NDST3: variants seen among roughly 807,000 people sequenced by gnomAD.
NDST3 encodes the protein bifunctional heparan sulfate N-deacetylase/N-sulfotransferase 3.
In NDST3, 58 loss-of-function variants were observed where a neutral mutation model predicts 96.1. That is an observed-to-expected ratio of 0.60 (90% confidence interval 0.49 to 0.75). The LOEUF (loss-of-function observed/expected upper bound fraction) is 0.75. Ranked by LOEUF, NDST3 falls within the 30% of genes least tolerant of loss-of-function variation. The pLI, the probability that NDST3 is intolerant of heterozygous loss-of-function variation, is 0.00. For synonymous variants in NDST3, 333 were observed against 359.7 expected (o/e 0.93, Z 0.84); for missense variants, 788 against 1,034.2 (o/e 0.76, Z 3.27).
chr4:118,075,576 T>G (rs1275230803), intron 2 of NDST3, among the ~76,000 whole-genome samples: 1 of 152,230 alleles, frequency 6.6e-6, no homozygotes, highest in Admixed American at 6.5e-5. Flanking sequence ...CCTGACTTTT[T>G]AATGATTGCC....
chr4:118,061,344 T>C (rs1361315160), intron 2 of NDST3, among the ~76,000 whole-genome samples: 1 of 152,174 alleles, frequency 6.6e-6, no homozygotes, highest in African/African-American at 2.4e-5. Flanking sequence ...TTGCAACCTC[T>C]AAATCTCCCA....
chr4:118,156,575 A>C (rs761614231), intron 6 of NDST3, among the ~76,000 whole-genome samples: 1 of 152,208 alleles, frequency 6.6e-6, no homozygotes, highest in African/African-American at 2.4e-5. Context: ...TTTGAAAGAA[A>C]TTTGGTTGCC....
intron 9 of NDST3, among the ~76,000 whole-genome samples, chr4:118,234,328 A>T (rs2126001360): frequency 6.6e-6 from 1 of 152,168 alleles, no homozygotes; most frequent in African/African-American, 2.4e-5. Flanking sequence ...TGGGAGGATA[A>T]CCTGAGCCCA....
intron 6 of NDST3, among the ~76,000 whole-genome samples, chr4:118,206,108 T>C (rs1215058910): frequency 1.4e-5 from 2 of 143,534 alleles, no homozygotes; most frequent in African/African-American, 5.1e-5. Flanking sequence ...GGGCTTTCAA[T>C]AGATATGTGT....
At chr4:118,187,708 C>A (rs1737056271) in intron 6 of NDST3, among the ~76,000 whole-genome samples, 1 of 152,160 alleles carries the variant, frequency 6.6e-6, no homozygotes, top group South Asian at 2.1e-4. Context: ...TAACAGCAGA[C>A]AATTCTTGAT....
At chr4:118,148,051 C>T (rs951297184) in intron 6 of NDST3, among the ~76,000 whole-genome samples, 1 of 152,202 alleles carries the variant, frequency 6.6e-6, no homozygotes, top group Admixed American at 6.5e-5. Context: ...GTAATGTCAG[C>T]ACTTTGGGAG....
intron 1 of NDST3, among the ~76,000 whole-genome samples, chr4:118,038,059 A>G (rs1724249309): frequency 6.6e-6 from 1 of 152,176 alleles, no homozygotes; most frequent in Admixed American, 6.5e-5. Flanking sequence ...CAGGCAACCA[A>G]TGAGAGGCCA....
At chr4:118,076,194 G>A (rs1325635268) in intron 2 of NDST3, among the ~76,000 whole-genome samples, 2 of 152,052 alleles carry the variant, frequency 1.3e-5, no homozygotes, top group Non-Finnish European at 2.9e-5. Context: ...TCCCTTTGTG[G>A]GTGACCTGCT....
At chr4:118,144,186 C>CT (rs112629601) in intron 6 of NDST3, among the ~76,000 whole-genome samples, 6,856 of 146,304 alleles carry the variant, frequency 0.047, 263 homozygotes, top group African/African-American at 0.11. Flanking sequence ...TAATGGGCTA[C>CT]TTTTTTTTTT....
chr4:118,155,453 G>C (rs755606967), intron 6 of NDST3, among the ~76,000 whole-genome samples: 14 of 152,252 alleles, frequency 9.2e-5, no homozygotes, highest in Non-Finnish European at 1.9e-4. Flanking sequence ...TTCTTGCCTT[G>C]TGCCCTGAAC....
chr4:118,094,032 G>A (rs926900272), intron 2 of NDST3, among the ~76,000 whole-genome samples: 11 of 151,752 alleles, frequency 7.2e-5, no homozygotes, highest in African/African-American at 2.7e-4. Context: ...TAAGGTCATT[G>A]ATCCCAATCA....
chr4:118,102,425 TTC>T (rs1729836515), intron 2 of NDST3, among the ~76,000 whole-genome samples: 1 of 152,120 alleles, frequency 6.6e-6, no homozygotes, highest in Non-Finnish European at 1.5e-5. Context: ...ACATGTGGTT[TTC>T]TGTCTGTGGT....
intron 6 of NDST3, among the ~76,000 whole-genome samples, chr4:118,169,159 T>C (rs1735756381): frequency 1.3e-5 from 2 of 152,166 alleles, no homozygotes. Context: ...AAAGAACTTT[T>C]AAAATATCTT....
At chr4:118,103,755 C>T (rs1729949005) in intron 2 of NDST3, among the ~76,000 whole-genome samples, 1 of 152,020 alleles carries the variant, frequency 6.6e-6, no homozygotes, top group Non-Finnish European at 1.5e-5. Flanking sequence ...ACAGGCCTGT[C>T]TTCTATTTCT....
chr4:118,168,281 T>C (rs1168885796), intron 6 of NDST3, among the ~76,000 whole-genome samples: 2 of 151,902 alleles, frequency 1.3e-5, no homozygotes. Flanking sequence ...TAGTCCTTTC[T>C]CCAAAGACGA....
chr4:118,209,312 T>C (rs1738638931), intron 6 of NDST3, among the ~76,000 whole-genome samples: 3 of 152,220 alleles, frequency 2.0e-5, no homozygotes, highest in South Asian at 4.1e-4. Flanking sequence ...ATTCTGTCAC[T>C]TTCTAACACT....
At chr4:118,136,909 C>T (rs1733148603) in intron 4 of NDST3, among the ~76,000 whole-genome samples, 1 of 152,080 alleles carries the variant, frequency 6.6e-6, no homozygotes, top group Non-Finnish European at 1.5e-5. Context: ...TTTTGAGGGC[C>T]TTTTATGCTG....
At chr4:118,239,346 T>A (rs1004222333) in intron 10 of NDST3, among the ~76,000 whole-genome samples, 2 of 152,204 alleles carry the variant, frequency 1.3e-5, no homozygotes, top group African/African-American at 4.8e-5. Context: ...TAAAAGCAGA[T>A]GAAATCTTAG....
intron 1 of NDST3, among the ~76,000 whole-genome samples, chr4:118,040,793 C>T (rs1724400272): frequency 6.7e-6 from 1 of 150,114 alleles, no homozygotes; most frequent in African/African-American, 2.5e-5. Flanking sequence ...AGCGATCCAA[C>T]CACTTCAGCC....
Sources: gnomAD v4.1 joint callset for allele counts (sites outside exome capture counted in the v4.1 genomes callset) on GRCh38, gnomAD v4.1.1 for gene constraint, MANE v1.5 for transcripts, NCBI Gene and HGNC (gene_info 2026-07-23, HGNC 2026-07-21) for gene names.